IQSEC1: variants seen among roughly 807,000 people sequenced by gnomAD.
The protein encoded by IQSEC1 is IQ motif and SEC7 domain-containing protein 1.
IQSEC1 carries 31 observed loss-of-function variants against 91.0 expected under a neutral mutation model. The observed-to-expected ratio is 0.34, with a 90% CI of 0.26 to 0.46. The LOEUF is 0.46. Ranked by LOEUF, IQSEC1 falls within the 20% of genes least tolerant of loss-of-function variation. The pLI is 1.00. For missense variants in IQSEC1, 1,388 were observed against 1,575.6 expected (o/e 0.88, Z 2.02); for synonymous variants, 699 against 662.6 (o/e 1.05, Z -0.84).
chr3:12,965,209 C>A (rs1397044078), intron 1 of IQSEC1, among the ~76,000 whole-genome samples: 3 of 152,240 alleles, frequency 2.0e-5, no homozygotes, highest in African/African-American at 7.2e-5. Context: ...AAGTGCCACA[C>A]ACGCTCTTGG....
intron 1 of IQSEC1, among the ~76,000 whole-genome samples, chr3:13,224,616 G>C (rs1189658694): frequency 6.6e-6 from 1 of 152,050 alleles, no homozygotes; most frequent in Non-Finnish European, 1.5e-5. Flanking sequence ...TCGACTTGAC[G>C]TTCAGTGCCA....
At chr3:13,272,457 G>A (rs578178801) in intron 1 of IQSEC1, among the ~76,000 whole-genome samples, 1 of 152,338 alleles carries the variant, frequency 6.6e-6, no homozygotes, top group South Asian at 2.1e-4. Context: ...CTGCAGGATC[G>A]TCTGGTGAAA....
intron 2 of IQSEC1, among the ~76,000 whole-genome samples, chr3:13,149,344 C>T (rs1358280724): frequency 6.6e-6 from 1 of 151,940 alleles, no homozygotes; most frequent in Non-Finnish European, 1.5e-5. Flanking sequence ...AGCAGACCTC[C>T]TCCCCACAGA....
chr3:13,061,350 C>G (rs1324576121), intron 1 of IQSEC1, among the ~76,000 whole-genome samples: 4 of 152,208 alleles, frequency 2.6e-5, no homozygotes, highest in Non-Finnish European at 4.4e-5. Flanking sequence ...GATGAGTTTT[C>G]TCATGTAACA....
chr3:13,107,161 C>T (rs558318573), intron 2 of IQSEC1, among the ~76,000 whole-genome samples: 3 of 152,256 alleles, frequency 2.0e-5, no homozygotes, highest in East Asian at 3.9e-4. Flanking sequence ...AACCTGGGGG[C>T]CTCCATCCAC....
intron 2 of IQSEC1, among the ~76,000 whole-genome samples, chr3:13,125,036 C>T (rs934714227): frequency 1.3e-5 from 2 of 152,180 alleles, no homozygotes; most frequent in African/African-American, 2.4e-5. Context: ...GACCTTTTAA[C>T]GCAAAATTCA....
chr3:13,004,420 G>A lies in IQSEC1; in HGVS notation c.24-62555C>T, dbSNP rs1404579703. On this transcript the variant is annotated intron_variant, in intron 1 of 13. Coordinates refer to ENST00000613206, the MANE Select transcript of IQSEC1 (RefSeq NM_001134382.3). ...CCGGGGGAGCGCTCTGCAGGAGGGGGAAGCCGATGTGGAAACCCCTCAGCT... is the reference window on the plus strand; with the variant it reads ...CCGGGGGAGCGCTCTGCAGGAGGGGAAAGCCGATGTGGAAACCCCTCAGCT... 2.0e-5 allele frequency among the ~76,000 whole-genome samples: 3 copies of A among 152,162 alleles called. No homozygotes were observed. The East Asian group carries it at 5.8e-4, about 29-fold the overall frequency.
At chr3:13,257,544 G>C (rs1453354539) in intron 1 of IQSEC1, among the ~76,000 whole-genome samples, 1 of 152,144 alleles carries the variant, frequency 6.6e-6, no homozygotes, top group African/African-American at 2.4e-5. Context: ...GCCTGGTGCA[G>C]TCCACGAAGC....
intron 1 of IQSEC1, among the ~76,000 whole-genome samples, chr3:13,048,686 G>A (rs980620828): frequency 1.1e-4 from 16 of 152,310 alleles, no homozygotes; most frequent in South Asian, 4.1e-4. Context: ...CTTCCTTCCC[G>A]TGTCCCATGC....
intron 1 of IQSEC1, among the ~76,000 whole-genome samples, chr3:13,168,950 C>T (rs577999837): frequency 2.0e-4 from 31 of 152,300 alleles, no homozygotes; most frequent in South Asian, 6.2e-4. Context: ...TCTGTCTTTC[C>T]TAATAGAACG....
chr3:13,037,234 G>A (rs1704070156), intron 1 of IQSEC1, among the ~76,000 whole-genome samples: 2 of 152,130 alleles, frequency 1.3e-5, no homozygotes, highest in South Asian at 4.1e-4. Context: ...GGGCCACTTT[G>A]GAAAGCAAGT....
chr3:13,281,991 T>C (rs1486316929), intron 1 of IQSEC1, among the ~76,000 whole-genome samples: 1 of 151,950 alleles, frequency 6.6e-6, no homozygotes, highest in Non-Finnish European at 1.5e-5. Context: ...CCGACACTCA[T>C]GGGAGGCAAA....
chr3:12,929,524 C>T (rs1354993588), intron 3 of IQSEC1, among the ~76,000 whole-genome samples: 1 of 152,196 alleles, frequency 6.6e-6, no homozygotes, highest in African/African-American at 2.4e-5. Flanking sequence ...AAACTGGCTC[C>T]AGGTTGCCCA....
At chr3:13,192,850 G>T (rs141154709) in intron 1 of IQSEC1, among the ~76,000 whole-genome samples, 192 of 152,358 alleles carry the variant, frequency 1.3e-3, no homozygotes, top group African/African-American at 4.2e-3. Context: ...GTCAGCTCTG[G>T]AGTTCTGCTT....
intron 1 of IQSEC1, among the ~76,000 whole-genome samples, chr3:13,021,207 A>T (rs147970840): frequency 6.6e-6 from 1 of 152,340 alleles, no homozygotes; most frequent in African/African-American, 2.4e-5. Context: ...GCCTGAGATC[A>T]CAAGGGACCT....
At chr3:12,927,246 A>T (rs1697225451) in intron 3 of IQSEC1, among the ~76,000 whole-genome samples, 1 of 152,194 alleles carries the variant, frequency 6.6e-6, no homozygotes, top group African/African-American at 2.4e-5. Context: ...AGTATTTAAA[A>T]ACTGGAAGAG....
chr3:13,043,094 A>C (rs771727622), intron 1 of IQSEC1, among the ~76,000 whole-genome samples: 37 of 152,152 alleles, frequency 2.4e-4, no homozygotes, highest in Non-Finnish European at 4.7e-4. Flanking sequence ...GATAAAATCT[A>C]AAATGGAACC....
chr3:13,152,940 G>C (rs1169036414), intron 2 of IQSEC1, among the ~76,000 whole-genome samples: 3 of 152,128 alleles, frequency 2.0e-5, no homozygotes, highest in Non-Finnish European at 4.4e-5. Flanking sequence ...TCTCTCAGGA[G>C]ACAGCCACTC....
Position 12,908,545 on chromosome 3 carries a change from G to T in IQSEC1, c.2579-20C>A. On this transcript the variant is annotated intron_variant, in intron 11 of 13. Coordinates refer to ENST00000613206, the MANE Select transcript of IQSEC1 (RefSeq NM_001134382.3). The surrounding 1 kb of genome is among the most constrained non-coding windows in gnomAD (Gnocchi z 4.9). ...GCTCCGCTGGAACAGAGAGGGTGAG[G>T]GTCCTGGTGAGAGGAGCACAGCCTA... The T allele has an allele frequency of 6.2e-7, 1 of 1,613,232 alleles. No individual in the cohort carries two copies. The highest frequency in any genetic ancestry group is 2.2e-5 in the East Asian group (1 of 44,890).
Sources: gnomAD v4.1 joint callset for allele counts (sites outside exome capture counted in the v4.1 genomes callset) on GRCh38, gnomAD v4.1.1 for gene constraint, Gnocchi (gnomAD v3.1) non-coding constraint, MANE v1.5 for transcripts, NCBI Gene and HGNC (gene_info 2026-07-23, HGNC 2026-07-21) for gene names.